Variants in LEKR1 observed in about 807,000 individuals in gnomAD.
LEKR1 encodes leucine, glutamate and lysine rich 1, also known as protein LEKR1.
A neutral mutation model predicts 72.4 loss-of-function variants in LEKR1; 59 were observed. That is an observed-to-expected ratio of 0.82 (90% CI 0.66 to 1.01). The LOEUF is 1.01. Ranked by LOEUF, LEKR1 falls within the 50% of genes least tolerant of loss-of-function variation. The pLI is 0.00. For synonymous variants in LEKR1, 257 were observed against 263.2 expected (o/e 0.98, Z 0.23); for missense variants, 728 against 759.2 (o/e 0.96, Z 0.48).
At chr3:156,991,373 TA>T (rs1482528896) in intron 7 of LEKR1, among the ~76,000 whole-genome samples, 1 of 152,016 alleles carries the variant, frequency 6.6e-6, no homozygotes, top group Admixed American at 6.5e-5. Context: ...TATTTTATAA[TA>T]AAAAAGATTT....
At chr3:156,850,521 T>C (rs1715225779) in intron 2 of LEKR1, among the ~76,000 whole-genome samples, 1 of 152,204 alleles carries the variant, frequency 6.6e-6, no homozygotes, top group Non-Finnish European at 1.5e-5. Context: ...TCTCTCTTTC[T>C]GGAGCTACAG....
At chr3:156,831,365 AC>A (rs1257725674) in intron 2 of LEKR1, among the ~76,000 whole-genome samples, 1 of 152,168 alleles carries the variant, frequency 6.6e-6, no homozygotes, top group Non-Finnish European at 1.5e-5. Context: ...CAGAATGCAG[AC>A]CCCTCTAATT....
intron 3 of LEKR1, among the ~76,000 whole-genome samples, chr3:156,910,335 A>G (rs1173198354): frequency 6.6e-6 from 1 of 151,990 alleles, no homozygotes; most frequent in African/African-American, 2.4e-5. Context: ...TCCCATGCAT[A>G]TTTAGTCTTT....
intron 3 of LEKR1, among the ~76,000 whole-genome samples, chr3:156,896,405 C>T (rs1414743713): frequency 6.6e-6 from 1 of 152,016 alleles, no homozygotes; most frequent in Non-Finnish European, 1.5e-5. Context: ...TAACAGATGG[C>T]TATCTTCTCA....
chr3:156,910,361 G>A (rs1475886730), intron 3 of LEKR1, among the ~76,000 whole-genome samples: 1 of 152,124 alleles, frequency 6.6e-6, no homozygotes, highest in Non-Finnish European at 1.5e-5. Context: ...TCACTTGTAA[G>A]TGAGAACATG....
At chr3:156,875,992 C>CAAAAAAAAAAAAAAAAAAAAAAA in intron 3 of LEKR1, among the ~76,000 whole-genome samples, 1 of 70,178 alleles carries the variant, frequency 1.4e-5, no homozygotes, top group Non-Finnish European at 2.6e-5. Flanking sequence ...GACTCCATCT[C>CAAAAAAAAAAAAAAAAAAAAAAA]AAAAAAAAAA....
chr3:156,842,793 A>G (rs1031148384), intron 2 of LEKR1, among the ~76,000 whole-genome samples: 46 of 152,190 alleles, frequency 3.0e-4, no homozygotes, highest in African/African-American at 1.1e-3. Flanking sequence ...ATTTTAGGGA[A>G]GAAGGAATAA....
chr3:156,835,002 A>G (rs766586919), intron 2 of LEKR1, among the ~76,000 whole-genome samples: 1 of 152,326 alleles, frequency 6.6e-6, no homozygotes, highest in Admixed American at 6.5e-5. Flanking sequence ...TTATGTAAAC[A>G]TCCCACACAC....
intron 4 of LEKR1, among the ~76,000 whole-genome samples, 152 bp from the exon 5 acceptor site, chr3:156,927,277 G>T (rs979079980): frequency 6.6e-6 from 1 of 151,834 alleles, no homozygotes; most frequent in Non-Finnish European, 1.5e-5. Context: ...TTTGTGTTTT[G>T]TCTCAGCATA....
intron 7 of LEKR1, among the ~76,000 whole-genome samples, chr3:156,987,821 A>G (rs566560564): frequency 1.3e-4 from 20 of 152,288 alleles, no homozygotes; most frequent in African/African-American, 4.8e-4. Flanking sequence ...CTAGTAAATC[A>G]TCTATTTTAA....
Position 156,983,276 on chromosome 3 carries a change from C to T in LEKR1, c.827+4001C>T, listed in dbSNP as rs139260024. Among the ~76,000 whole-genome samples the T allele has an allele frequency of 2.0e-4, 31 of 152,142 alleles. No homozygotes were observed. The East Asian group carries it at 6.0e-3, about 29-fold the overall frequency. ...GCAATTGAGTGGTGATGCTGGTGGG[C>T]ATGGGATAGACAGGACCTTCCTCGG... On this transcript the variant is annotated intron_variant, in intron 7 of 12. Transcript: ENST00000356539.
At chr3:156,943,262 T>C (rs530967586) in intron 6 of LEKR1, among the ~76,000 whole-genome samples, 79 of 152,032 alleles carry the variant, frequency 5.2e-4, no homozygotes, top group Non-Finnish European at 8.8e-4. Context: ...AATCTGTTAG[T>C]AATGAATAGA....
intron 3 of LEKR1, among the ~76,000 whole-genome samples, chr3:156,879,304 T>C (rs1718996942): frequency 6.6e-6 from 1 of 152,180 alleles, no homozygotes. Context: ...TAAAGGTTAT[T>C]CTTGCTATGT....
At chr3:156,917,233 A>G (rs1012907939) in intron 3 of LEKR1, among the ~76,000 whole-genome samples, 1 of 152,144 alleles carries the variant, frequency 6.6e-6, no homozygotes, top group South Asian at 2.1e-4. Context: ...TAGAGAAAGG[A>G]TAAGAAAGCT....
chr3:156,837,512 C>G (rs1713309102), intron 2 of LEKR1, among the ~76,000 whole-genome samples: 1 of 152,186 alleles, frequency 6.6e-6, no homozygotes, highest in Non-Finnish European at 1.5e-5. Context: ...GGACGTGCAG[C>G]AAAGTTTGTA....
intron 7 of LEKR1, 27 bp from the exon 8 acceptor site, chr3:156,992,616 GAAATAATATA>G: frequency 2.5e-6 from 1 of 403,886 alleles, no homozygotes. Flanking sequence ...ACTTTATTTT[GAAATAATATA>G]TTTTAACTTC....
chr3:156,920,081 G>A (rs62275806), intron 3 of LEKR1, among the ~76,000 whole-genome samples: 4,826 of 151,960 alleles, frequency 0.032, 117 homozygotes, highest in Non-Finnish European at 0.047. Flanking sequence ...TGAGGCCCTC[G>A]CTTGATGCAG....
chr3:156,911,978 T>C (rs972473489), intron 3 of LEKR1, among the ~76,000 whole-genome samples: 5 of 152,094 alleles, frequency 3.3e-5, no homozygotes, highest in Admixed American at 3.3e-4. Flanking sequence ...TTGCTTGGGC[T>C]ATTAGGGCTC....
intron 6 of LEKR1, among the ~76,000 whole-genome samples, chr3:156,971,265 G>A (rs1729158661): frequency 6.6e-6 from 1 of 152,018 alleles, no homozygotes; most frequent in African/African-American, 2.4e-5. Flanking sequence ...AATAAATGGT[G>A]CTGGGAAAAC....
Sources: gnomAD v4.1 joint callset for allele counts (sites outside exome capture counted in the v4.1 genomes callset) on GRCh38, gnomAD v4.1.1 for gene constraint, MANE v1.5 for transcripts, NCBI Gene and HGNC (gene_info 2026-07-23, HGNC 2026-07-21) for gene names.